Variants in REC114 observed in about 807,000 individuals in gnomAD.
REC114 encodes meiotic recombination protein REC114.
In REC114, 27 loss-of-function variants were observed where a neutral mutation model predicts 31.3. The ratio of observed to expected loss-of-function variants is 0.86; its 90% CI spans 0.64 to 1.19. The LOEUF (loss-of-function observed/expected upper bound fraction) is 1.19, where lower values mean the gene tolerates loss of function less well. REC114 is among the 50% of genes most tolerant of loss of function. The probability of loss-of-function intolerance (pLI) is 0.00; values close to 1 mark genes in which losing one functional copy is unlikely to be tolerated. For missense variants in REC114, 344 were observed against 326.9 expected, an observed-to-expected ratio of 1.05 and a Z score of -0.40; for synonymous variants, 134 against 127.7, an observed-to-expected ratio of 1.05 and a Z score of -0.33.
intron 2 of REC114, among the ~76,000 whole-genome samples, chr15:73,495,874 A>G (rs1836788558): frequency 6.6e-6 from 1 of 152,186 alleles, no homozygotes; most frequent in Admixed American, 6.5e-5. Flanking sequence ...TACTTTGACT[A>G]TTACTAATTA....
intron 2 of REC114, among the ~76,000 whole-genome samples, chr15:73,493,502 ATTTTTTCT>A (rs1159967129): frequency 2.0e-5 from 3 of 151,128 alleles, no homozygotes; most frequent in Non-Finnish European, 4.4e-5. Flanking sequence ...TAGATCTATT[ATTTTTTCT>A]TTTTTTCTTC....
chr15:73,522,693 C>A (rs1893952564), intron 2 of REC114, among the ~76,000 whole-genome samples: 1 of 152,152 alleles, frequency 6.6e-6, no homozygotes, highest in Non-Finnish European at 1.5e-5. Context: ...TATTCATGGA[C>A]ATTAGAGTTT....
Position 73,443,234 on chromosome 15 carries a change from G to A in REC114, c.49G>A (p.Glu17Lys). The A allele has an allele frequency of 2.5e-6, 4 of 1,574,670 alleles. No individual in the cohort carries two copies. The highest frequency in any genetic ancestry group is 2.3e-5 in the East Asian group (1 of 42,600). Residue 17 changes from glutamate (E) to lysine (K), a missense_variant, in exon 1 of 6, where the codon GAA (glutamate) becomes AAA (lysine). Physicochemically the swap from Glu to Lys is moderately conservative, Grantham distance 56 (BLOSUM62 1). Transcript: ENST00000331090. Reference sequence around the variant, plus strand: ...CTTGAGCCTCGGGCTTACCGGAGGAGAAGCGGCAGAGTGGCCTCTGCAGCG... The same window carrying A: ...CTTGAGCCTCGGGCTTACCGGAGGAAAAGCGGCAGAGTGGCCTCTGCAGCG... Reference protein sequence around the residue: ...VPLSLGLTGGEAAEWPLQRYA... With the variant: ...VPLSLGLTGGKAAEWPLQRYA...
At chr15:73,554,906 A>G (rs1326389984) in intron 4 of REC114, among the ~76,000 whole-genome samples, 3 of 152,258 alleles carry the variant, frequency 2.0e-5, no homozygotes, top group Non-Finnish European at 2.9e-5. Context: ...ATAGCTGAAG[A>G]AACACTAGGC....
intron 1 of REC114, among the ~76,000 whole-genome samples, chr15:73,473,206 T>C (rs778299533): frequency 6.6e-6 from 1 of 151,968 alleles, no homozygotes; most frequent in Non-Finnish European, 1.5e-5. Flanking sequence ...CTGACGAACA[T>C]GGTGAAACCC....
intron 3 of REC114, among the ~76,000 whole-genome samples, chr15:73,547,876 C>T (rs768506446): frequency 6.6e-6 from 1 of 152,124 alleles, no homozygotes; most frequent in African/African-American, 2.4e-5. Context: ...GCAAAGATTT[C>T]GTGACAAAGA....
At chr15:73,508,539 A>C (rs1893716304) in intron 2 of REC114, among the ~76,000 whole-genome samples, 2 of 147,908 alleles carry the variant, frequency 1.4e-5, no homozygotes, top group Non-Finnish European at 1.5e-5. Flanking sequence ...GGTGAGCTGC[A>C]CCCACTAACT....
intron 1 of REC114, among the ~76,000 whole-genome samples, chr15:73,459,674 T>C (rs1411534397): frequency 6.6e-6 from 1 of 152,106 alleles, no homozygotes. Flanking sequence ...TGAAGTTAAG[T>C]TTTTTATATG....
At chr15:73,557,066 T>TC (rs1449929938) in intron 5 of REC114, among the ~76,000 whole-genome samples, 4 of 150,830 alleles carry the variant, frequency 2.7e-5, no homozygotes, top group Non-Finnish European at 5.9e-5. Flanking sequence ...AGTATGATTT[T>TC]TTTTTTTTTT....
At chr15:73,499,607 A>G (rs1477646744) in intron 2 of REC114, among the ~76,000 whole-genome samples, 1 of 152,166 alleles carries the variant, frequency 6.6e-6, no homozygotes, top group African/African-American at 2.4e-5. Context: ...GTCTGTACTA[A>G]TATCTGAATA....
intron 1 of REC114, among the ~76,000 whole-genome samples, chr15:73,443,590 T>G (rs1283191524): frequency 6.6e-6 from 1 of 152,236 alleles, no homozygotes; most frequent in Non-Finnish European, 1.5e-5. Context: ...ATTCATATAT[T>G]CAATGTGTAT....
chr15:73,528,137 A>T (rs372235899), intron 2 of REC114, among the ~76,000 whole-genome samples: 5 of 152,226 alleles, frequency 3.3e-5, no homozygotes, highest in Non-Finnish European at 7.3e-5. Context: ...TGACAAATAC[A>T]AGAAATGAGG....
At chr15:73,530,522 C>T (rs1226686590) in intron 2 of REC114, among the ~76,000 whole-genome samples, 1 of 152,114 alleles carries the variant, frequency 6.6e-6, no homozygotes, top group Non-Finnish European at 1.5e-5. Flanking sequence ...GTGGTGCATG[C>T]CTATGGTCCC....
chr15:73,526,993 A>G (rs1337897145), intron 2 of REC114, among the ~76,000 whole-genome samples: 1 of 151,802 alleles, frequency 6.6e-6, no homozygotes, highest in African/African-American at 2.4e-5. Context: ...TTTTTTTTAA[A>G]TAGAGATAGG....
chr15:73,451,734 A>G (rs1215012722), intron 1 of REC114, among the ~76,000 whole-genome samples: 1 of 152,226 alleles, frequency 6.6e-6, no homozygotes, highest in African/African-American at 2.4e-5. Flanking sequence ...AAAATCCTCC[A>G]TAAAATGCTG....
At chr15:73,502,611 TGAG>T (rs1213211295) in intron 2 of REC114, among the ~76,000 whole-genome samples, 1 of 152,078 alleles carries the variant, frequency 6.6e-6, no homozygotes, top group East Asian at 1.9e-4. Flanking sequence ...TTGAATAGGC[TGAG>T]GAGGAGGAGT....
intron 3 of REC114, 135 bp downstream of exon 3, chr15:73,540,703 A>G (rs750178521): frequency 1.0e-5 from 8 of 766,474 alleles, no homozygotes; most frequent in Non-Finnish European, 1.6e-5. Flanking sequence ...GTACTATGAG[A>G]AAAACATGAA....
At chr15:73,468,019 C>T (rs1027349495) in intron 1 of REC114, among the ~76,000 whole-genome samples, 2 of 152,090 alleles carry the variant, frequency 1.3e-5, no homozygotes, top group Admixed American at 1.3e-4. Flanking sequence ...CCCTCTTTCT[C>T]TTGTAAGGAT....
intron 2 of REC114, among the ~76,000 whole-genome samples, chr15:73,524,739 A>C (rs1188825661): frequency 1.3e-5 from 2 of 152,132 alleles, no homozygotes; most frequent in African/African-American, 4.8e-5. Flanking sequence ...CTGGGACTAC[A>C]GGCACCCACC....
Sources: allele counts gnomAD v4.1 joint callset (sites outside exome capture counted in the v4.1 genomes callset), GRCh38; gene constraint gnomAD v4.1.1; transcripts MANE v1.5; gene names NCBI Gene and HGNC (gene_info 2026-07-23, HGNC 2026-07-21).